EPN2: variants seen among roughly 807,000 people sequenced by gnomAD.
EPN2 encodes the protein epsin 2, also known as epsin-2.
Under a neutral mutation model 61.7 loss-of-function variants are expected in EPN2, and 34 were observed. The ratio of observed to expected loss-of-function variants is 0.55; its 90% CI spans 0.42 to 0.73. The LOEUF is 0.73. Ranked by LOEUF, EPN2 falls within the 30% of genes least tolerant of loss-of-function variation. The pLI, the probability that EPN2 is intolerant of heterozygous loss-of-function variation, is 0.00. For missense variants in EPN2, 714 were observed against 839.2 expected (o/e 0.85, Z 1.84); for synonymous variants, 349 against 353.6 (o/e 0.99, Z 0.15).
chr17:19,298,931 A>T (rs1446278418), intron 4 of EPN2, among the ~76,000 whole-genome samples: 2 of 152,194 alleles, frequency 1.3e-5, no homozygotes, highest in Non-Finnish European at 2.9e-5. Context: ...TTCTTTGAAC[A>T]GAAAGCTTGT....
chr17:19,249,145 C>G (rs894226808), intron 1 of EPN2, among the ~76,000 whole-genome samples: 6 of 152,174 alleles, frequency 3.9e-5, no homozygotes, highest in African/African-American at 1.4e-4. Flanking sequence ...GGTGAGTGGG[C>G]AGGACTGTGG....
chr17:19,302,894 A>G (rs767642438), intron 4 of EPN2, among the ~76,000 whole-genome samples: 48 of 152,184 alleles, frequency 3.2e-4, no homozygotes, highest in Non-Finnish European at 4.1e-4. Context: ...CGTCTGCCAC[A>G]CTGGGCTGCT....
chr17:19,250,443 A>G (rs896211391), intron 1 of EPN2, among the ~76,000 whole-genome samples: 6 of 152,114 alleles, frequency 3.9e-5, no homozygotes, highest in Non-Finnish European at 8.8e-5. Context: ...TTGCCACAAA[A>G]CCTAACATAT....
At chr17:19,240,573 A>G (rs957595768) in intron 1 of EPN2, among the ~76,000 whole-genome samples, 2 of 152,118 alleles carry the variant, frequency 1.3e-5, no homozygotes, top group Non-Finnish European at 2.9e-5. Context: ...GAGGCTGGAA[A>G]AGATGTGAGG....
intron 4 of EPN2, among the ~76,000 whole-genome samples, chr17:19,298,970 T>G (rs941836778): frequency 6.6e-6 from 1 of 152,178 alleles, no homozygotes; most frequent in African/African-American, 2.4e-5. Flanking sequence ...ATTCTTTGGA[T>G]TATTTCTTCA....
chr17:19,319,232 G>A (rs1906534288), intron 7 of EPN2, among the ~76,000 whole-genome samples: 1 of 151,940 alleles, frequency 6.6e-6, no homozygotes, highest in Non-Finnish European at 1.5e-5. Flanking sequence ...AAAATGCCTT[G>A]TGTTAACTCT....
intron 1 of EPN2, among the ~76,000 whole-genome samples, chr17:19,246,767 CTTTTTTTT>C (rs377094702): frequency 9.1e-6 from 1 of 109,550 alleles, no homozygotes; most frequent in Non-Finnish European, 1.7e-5. Context: ...CCCTGTGTGC[CTTTTTTTT>C]TTTTTTTTTT....
intron 4 of EPN2, among the ~76,000 whole-genome samples, chr17:19,305,117 GTTT>G (rs1222270324): frequency 6.9e-6 from 1 of 145,448 alleles, no homozygotes; most frequent in Non-Finnish European, 1.5e-5. Flanking sequence ...ATATACTTTG[GTTT>G]TTTTTTTTTT....
intron 1 of EPN2, among the ~76,000 whole-genome samples, chr17:19,252,605 C>A (rs1232242815): frequency 6.6e-6 from 1 of 152,084 alleles, no homozygotes; most frequent in Non-Finnish European, 1.5e-5. Flanking sequence ...GAAGACTGAC[C>A]ACCAGCCTTC....
intron 4 of EPN2, among the ~76,000 whole-genome samples, chr17:19,301,066 A>G (rs1665099060): frequency 1.3e-5 from 2 of 152,160 alleles, no homozygotes; most frequent in African/African-American, 4.8e-5. Context: ...GCGGGCAAGC[A>G]AAGGCTCGAG....
chr17:19,271,206 A>G (rs2045249607), intron 1 of EPN2, among the ~76,000 whole-genome samples: 1 of 152,130 alleles, frequency 6.6e-6, no homozygotes, highest in Admixed American at 6.5e-5. Context: ...GGCACATAAG[A>G]AATGTCAGAT....
chr17:19,240,549 G>A (rs2044873119), intron 1 of EPN2, among the ~76,000 whole-genome samples: 1 of 151,990 alleles, frequency 6.6e-6, no homozygotes, highest in East Asian at 1.9e-4. Context: ...GCCGGCCTTG[G>A]ATTCGGGGAA....
chr17:19,250,371 C>T (rs1289985820), intron 1 of EPN2, among the ~76,000 whole-genome samples: 1 of 152,180 alleles, frequency 6.6e-6, no homozygotes, highest in African/African-American at 2.4e-5. Flanking sequence ...GCTGGGATTA[C>T]AGGCGTGAAC....
chr17:19,279,927 C>G (rs948212085), intron 1 of EPN2: 1 of 151,742 alleles, frequency 6.6e-6, no homozygotes, highest in African/African-American at 2.4e-5. Flanking sequence ...ACCTCCACCT[C>G]TCGGGCTCAA....
At chr17:19,326,502 C>T (rs369134938) in intron 7 of EPN2, among the ~76,000 whole-genome samples, 258 of 152,048 alleles carry the variant, frequency 1.7e-3, no homozygotes, top group Non-Finnish European at 2.6e-3. Flanking sequence ...CTGGCTAACA[C>T]GGTGAAACCC....
At position 19,246,713 on chromosome 17, in the gene EPN2, G is replaced by GTTGTT. The variant is rs1317787602; in HGVS notation, c.-294+9195_-294+9199dup. 4.8e-5 allele frequency among the ~76,000 whole-genome samples: 7 copies of GTTGTT among 144,486 alleles called. No individual in the cohort carries two copies. The South Asian group carries it at 1.6e-3, about 34-fold the overall frequency. 94.8% of individuals were successfully genotyped at this position (144,486 alleles called of 152,430 possible). A position where few individuals can be genotyped will look rare whatever the true frequency, so the allele number is the denominator to read the frequency against. On this transcript the variant is annotated intron_variant, in intron 1 of 10. Coordinates refer to ENST00000314728, the MANE Select transcript of EPN2 (RefSeq NM_014964.5). ...AATATCCTAGCAATAAAGGGACGCA[G>GTTGTT]TTGTTTTGTTTTGTTTTTTTTTTCC...
intron 4 of EPN2, among the ~76,000 whole-genome samples, chr17:19,289,985 T>A (rs1436690088): frequency 1.3e-5 from 2 of 152,086 alleles, no homozygotes; most frequent in Non-Finnish European, 2.9e-5. Flanking sequence ...CCTCCCAAAG[T>A]GCTGGGATTA....
At chr17:19,255,560 GTTTTT>G (rs56823339) in intron 1 of EPN2, among the ~76,000 whole-genome samples, 1 of 92,212 alleles carries the variant, frequency 1.1e-5, no homozygotes, top group Non-Finnish European at 2.0e-5. Context: ...TCTGGGGAGA[GTTTTT>G]TTTTTTTTTT....
intron 1 of EPN2, among the ~76,000 whole-genome samples, chr17:19,254,576 G>A (rs997905245): frequency 2.6e-5 from 4 of 151,924 alleles, no homozygotes; most frequent in African/African-American, 9.7e-5. Context: ...ACAGAAAACT[G>A]TACTATATAT....
Sources: gnomAD v4.1 joint callset for allele counts (sites outside exome capture counted in the v4.1 genomes callset) on GRCh38, gnomAD v4.1.1 for gene constraint, MANE v1.5 for transcripts, NCBI Gene and HGNC (gene_info 2026-07-23, HGNC 2026-07-21) for gene names.